EYS: variants seen among roughly 807,000 people sequenced by gnomAD.
The protein encoded by EYS is EGF-like photoreceptor maintenance factor, also known as protein eyes shut homolog.
In EYS, 250 loss-of-function variants were observed where a neutral mutation model predicts 282.1. The observed-to-expected ratio is 0.89, with a 90% CI of 0.80 to 0.98. The LOEUF (loss-of-function observed/expected upper bound fraction) is 0.98, where lower values mean the gene tolerates loss of function less well. EYS is among the 50% of genes least tolerant of loss of function. The pLI is 0.00. For synonymous variants in EYS, 1,355 were observed against 1,282.9 expected (o/e 1.06, Z -1.20); for missense variants, 4,016 against 3,709.0 (o/e 1.08, Z -2.15).
chr6:65,621,654 G>A (rs979776787), intron 2 of EYS, among the ~76,000 whole-genome samples: 2 of 151,762 alleles, frequency 1.3e-5, no homozygotes, highest in African/African-American at 4.8e-5. Context: ...AGTCTCGATG[G>A]TCTTTACATT....
chr6:65,347,257 C>T (rs990527640), intron 9 of EYS, among the ~76,000 whole-genome samples: 6 of 151,664 alleles, frequency 4.0e-5, no homozygotes, highest in Non-Finnish European at 8.9e-5. Context: ...ATGAATAGAG[C>T]TTAGCATTTT....
chr6:65,351,161 G>T (rs1764258272), intron 9 of EYS, among the ~76,000 whole-genome samples: 1 of 151,534 alleles, frequency 6.6e-6, no homozygotes, highest in Non-Finnish European at 1.5e-5. Context: ...TCTTCATATT[G>T]AAATTCAAAA....
chr6:64,474,537 T>C (rs993876723), intron 26 of EYS, among the ~76,000 whole-genome samples: 2 of 152,206 alleles, frequency 1.3e-5, no homozygotes, highest in Non-Finnish European at 2.9e-5. Context: ...GTTATAAATT[T>C]GCATACTCGA....
intron 32 of EYS, among the ~76,000 whole-genome samples, chr6:64,072,151 TAAAAC>T (rs1177612237): frequency 1.3e-5 from 2 of 151,962 alleles, no homozygotes; most frequent in Non-Finnish European, 2.9e-5. Context: ...AGGAAACAGA[TAAAAC>T]AACAGCATTA....
chr6:64,031,590 G>C (rs1769841061), intron 33 of EYS, among the ~76,000 whole-genome samples: 1 of 152,228 alleles, frequency 6.6e-6, no homozygotes. Context: ...GGGCTCCTGA[G>C]TCTGGTGGGG....
intron 30 of EYS, among the ~76,000 whole-genome samples, chr6:64,303,307 G>A (rs1483711144): frequency 6.6e-6 from 1 of 152,148 alleles, no homozygotes; most frequent in African/African-American, 2.4e-5. Context: ...GATTGGAAAA[G>A]AATGTTGCTA....
chr6:64,590,864 A>G lies in EYS; in HGVS notation c.5003T>C (p.Ile1668Thr), dbSNP rs1165410205. ...TGAAGAGATAGTTTGTGAAGGGACA[A>G]TGGATAAACAAGTCTTATCCAAACA... The part of the protein sequence containing the change: ...NLCLDKTCLS[I>T]VPSQTISSDL... Residue 1668 changes from isoleucine (I) to threonine (T), a missense_variant, in exon 26 of 43, where the codon ATT (isoleucine) becomes ACT (threonine). By Grantham distance (89) the Ile-to-Thr change is moderately conservative. Coordinates refer to ENST00000503581, the MANE Select transcript of EYS (RefSeq NM_001142800.2). 5 of 1,550,634 alleles carry G rather than the reference A, an allele frequency of 3.2e-6. No individual in the cohort carries two copies. In the East Asian group the frequency reaches 7.3e-5, roughly 23 times the overall value.
At chr6:63,829,275 C>T (rs1040773965) in intron 36 of EYS, among the ~76,000 whole-genome samples, 3 of 152,208 alleles carry the variant, frequency 2.0e-5, no homozygotes, top group Middle Eastern at 3.4e-3. Context: ...ATCACCTCAC[C>T]CGGGAAATGC....
At chr6:64,895,982 A>C (rs985387554) in intron 18 of EYS, among the ~76,000 whole-genome samples, 1 of 152,134 alleles carries the variant, frequency 6.6e-6, no homozygotes, top group African/African-American at 2.4e-5. Context: ...GTATATTAAA[A>C]TTAAGTTTTA....
chr6:64,143,686 G>A (rs980553073), intron 31 of EYS, among the ~76,000 whole-genome samples: 1 of 152,254 alleles, frequency 6.6e-6, no homozygotes, highest in African/African-American at 2.4e-5. Flanking sequence ...GGATGTTCTC[G>A]GCTTATCAGC....
At chr6:64,402,974 G>A (rs1773584636) in intron 28 of EYS, among the ~76,000 whole-genome samples, 1 of 151,972 alleles carries the variant, frequency 6.6e-6, no homozygotes, top group Admixed American at 6.6e-5. Flanking sequence ...CAGTGATATG[G>A]TTAATACTCC....
At chr6:63,937,175 C>G (rs1236155238) in intron 35 of EYS, among the ~76,000 whole-genome samples, 1 of 151,818 alleles carries the variant, frequency 6.6e-6, no homozygotes, top group Non-Finnish European at 1.5e-5. Flanking sequence ...CGGATATAGT[C>G]CTTGTCCTCA....
chr6:64,019,521 C>T (rs1212382865), intron 33 of EYS, among the ~76,000 whole-genome samples: 1 of 151,874 alleles, frequency 6.6e-6, no homozygotes, highest in Non-Finnish European at 1.5e-5. Flanking sequence ...AGTGATTCTC[C>T]TGCCTTAGCC....
chr6:64,132,689 TA>T (rs1336073855), intron 31 of EYS, among the ~76,000 whole-genome samples: 1 of 151,810 alleles, frequency 6.6e-6, no homozygotes, highest in African/African-American at 2.4e-5. Flanking sequence ...ACAGGACTCT[TA>T]AAATTATATA....
intron 30 of EYS, among the ~76,000 whole-genome samples, chr6:64,265,551 T>C (rs1258047733): frequency 1.3e-5 from 2 of 152,204 alleles, no homozygotes; most frequent in Non-Finnish European, 2.9e-5. Context: ...GGTCTCATCA[T>C]CTTTTAACAA....
At chr6:64,435,113 T>C (rs1774696153) in intron 28 of EYS, among the ~76,000 whole-genome samples, 1 of 152,058 alleles carries the variant, frequency 6.6e-6, no homozygotes, top group Non-Finnish European at 1.5e-5. Context: ...ATGAGAAAGA[T>C]ATTAAATGTG....
At chr6:64,122,336 T>C (rs1027683545) in intron 31 of EYS, among the ~76,000 whole-genome samples, 1 of 152,182 alleles carries the variant, frequency 6.6e-6, no homozygotes, top group African/African-American at 2.4e-5. Flanking sequence ...GCCTTTTTAT[T>C]GCTTGTGGAT....
intron 35 of EYS, among the ~76,000 whole-genome samples, chr6:63,954,180 T>C (rs1765715914): frequency 6.6e-6 from 1 of 152,128 alleles, no homozygotes; most frequent in Non-Finnish European, 1.5e-5. Flanking sequence ...TGACATTCAC[T>C]CCATTTCCCC....
chr6:65,085,202 A>C (rs1774331897), intron 12 of EYS, among the ~76,000 whole-genome samples: 1 of 152,166 alleles, frequency 6.6e-6, no homozygotes, highest in Non-Finnish European at 1.5e-5. Context: ...CAGACATCTC[A>C]AACCTTTAAT....
Sources: gnomAD v4.1 joint callset for allele counts (sites outside exome capture counted in the v4.1 genomes callset) on GRCh38, gnomAD v4.1.1 for gene constraint, MANE v1.5 for transcripts, NCBI Gene and HGNC (gene_info 2026-07-23, HGNC 2026-07-21) for gene names.